Variants in C16orf78 observed in about 807,000 individuals in gnomAD.
C16orf78 encodes chromosome 16 open reading frame 78, also known as uncharacterized protein C16orf78.
Under a neutral mutation model 27.3 loss-of-function variants are expected in C16orf78, and 19 were observed. The observed-to-expected ratio is 0.70, with a 90% CI of 0.49 to 1.02. The LOEUF is 1.02. C16orf78 is among the 50% of genes least tolerant of loss of function. The pLI, the probability that C16orf78 is intolerant of heterozygous loss-of-function variation, is 0.00. For missense variants in C16orf78, 339 were observed against 337.0 expected (o/e 1.01, Z -0.05); for synonymous variants, 130 against 116.1 (o/e 1.12, Z -0.77).
intron 1 of C16orf78, among the ~76,000 whole-genome samples, chr16:49,376,895 C>T (rs1313948449): frequency 6.6e-6 from 1 of 152,156 alleles, no homozygotes; most frequent in Non-Finnish European, 1.5e-5. Flanking sequence ...CTGGACACTG[C>T]AGTCCAGGCC....
chr16:49,393,423 A>G (rs1253052224), intron 3 of C16orf78, among the ~76,000 whole-genome samples: 1 of 152,252 alleles, frequency 6.6e-6, no homozygotes, highest in Non-Finnish European at 1.5e-5. Flanking sequence ...CATTCAAAAA[A>G]GTAAAGATTT....
chr16:49,378,296 C>T (rs1965245214), intron 2 of C16orf78, among the ~76,000 whole-genome samples, 174 bp from the exon 3 acceptor site: 1 of 152,204 alleles, frequency 6.6e-6, no homozygotes, highest in African/African-American at 2.4e-5. Context: ...GAGCAAGCAC[C>T]CGTGGGCAGA....
chr16:49,396,358 C>G, intron 3 of C16orf78, 65 bp from the exon 4 acceptor site: 1 of 1,566,024 alleles, frequency 6.4e-7, no homozygotes, highest in Non-Finnish European at 8.7e-7. Flanking sequence ...TCATCCCCTT[C>G]CTGCCTACCC....
At chr16:49,375,485 C>T (rs1398117574) in intron 1 of C16orf78, among the ~76,000 whole-genome samples, 2 of 152,246 alleles carry the variant, frequency 1.3e-5, no homozygotes, top group South Asian at 2.1e-4. Flanking sequence ...AGTGGGAGGA[C>T]GAGGTGCCAC....
chr16:49,379,945 G>A (rs566181475), intron 3 of C16orf78, among the ~76,000 whole-genome samples: 17 of 152,286 alleles, frequency 1.1e-4, no homozygotes, highest in African/African-American at 3.6e-4. Context: ...AACCTGAGTG[G>A]GCACCATCTA....
intron 3 of C16orf78, 80 bp from the exon 4 acceptor site, chr16:49,396,343 A>T: frequency 1.3e-6 from 2 of 1,499,586 alleles, no homozygotes; most frequent in South Asian, 2.5e-5. Context: ...GCATTCCTCC[A>T]GCCTTCATCC....
chr16:49,376,800 GA>G (rs1965224426), intron 1 of C16orf78, among the ~76,000 whole-genome samples: 1 of 152,140 alleles, frequency 6.6e-6, no homozygotes, highest in South Asian at 2.1e-4. Context: ...TTCAGACAAG[GA>G]AACTAAGCCA....
intron 3 of C16orf78, among the ~76,000 whole-genome samples, chr16:49,381,085 C>G (rs2151611622): frequency 6.6e-6 from 1 of 152,138 alleles, no homozygotes; most frequent in Admixed American, 6.5e-5. Flanking sequence ...CAGCTTTGTT[C>G]TTTTGGCTTA....
intron 3 of C16orf78, among the ~76,000 whole-genome samples, chr16:49,380,977 G>A (rs1353360067): frequency 6.6e-6 from 1 of 151,124 alleles, no homozygotes; most frequent in African/African-American, 2.4e-5. Flanking sequence ...GCTCTGTTCT[G>A]TTCCATTGAT....
At chr16:49,380,772 C>T (rs955391097) in intron 3 of C16orf78, among the ~76,000 whole-genome samples, 3 of 151,986 alleles carry the variant, frequency 2.0e-5, no homozygotes, top group East Asian at 3.8e-4. Context: ...TTAGGTCTAA[C>T]GTTTAAGTCT....
chr16:49,385,521 A>T (rs1019958594), intron 3 of C16orf78, among the ~76,000 whole-genome samples: 1 of 151,964 alleles, frequency 6.6e-6, no homozygotes, highest in Admixed American at 6.6e-5. Context: ...ATCTAGCCAG[A>T]CTTGGTGGCA....
At chr16:49,390,919 G>T (rs927439983) in intron 3 of C16orf78, among the ~76,000 whole-genome samples, 1 of 152,156 alleles carries the variant, frequency 6.6e-6, no homozygotes, top group Non-Finnish European at 1.5e-5. Context: ...CAATCATGGG[G>T]CTCCTCTCAT....
chr16:49,390,450 T>A (rs532652058), intron 3 of C16orf78, among the ~76,000 whole-genome samples: 1 of 152,222 alleles, frequency 6.6e-6, no homozygotes, highest in African/African-American at 2.4e-5. Flanking sequence ...TAGTTTCTTG[T>A]GGTATAGCTT....
At chr16:49,396,811 C>A (rs968882526) in intron 4 of C16orf78, 133 bp downstream of exon 4, 3 of 1,248,238 alleles carry the variant, frequency 2.4e-6, no homozygotes, top group Non-Finnish European at 3.2e-6. Flanking sequence ...TGAGCTCCGC[C>A]CTTTGGTCCC....
rs1231880645 is a variant in C16orf78 at position 49,378,555 on chromosome 16, T to G, written c.356T>G (p.Val119Gly). ...CAAAAGGGGAAACACCTCAGCATGG[T>G]CCCTGGCAGCTACATCAAGGATGGC... ...VEQKGKHLSM[V>G]PGSYIKDGPK... Residue 119 changes from valine to glycine, a missense_variant, in exon 3 of 5, where the codon GTC (valine) becomes GGC (glycine). By Grantham distance (109) the Val-to-Gly change is moderately radical. Transcript: ENST00000299191. 6.2e-7 allele frequency: 1 copy of G among 1,613,656 alleles called. No individual in the cohort carries two copies. Among genetic ancestry groups the G allele is most frequent in the African/African-American group, 1.3e-5 (1 of 74,886 alleles).
intron 3 of C16orf78, among the ~76,000 whole-genome samples, chr16:49,393,932 A>AATACT (rs1196502473): frequency 3.3e-5 from 5 of 152,106 alleles, no homozygotes; most frequent in African/African-American, 7.2e-5. Flanking sequence ...ATTGTAATAG[A>AATACT]ATACTATACC....
chr16:49,387,113 T>G (rs780712704), intron 3 of C16orf78, among the ~76,000 whole-genome samples: 14 of 152,202 alleles, frequency 9.2e-5, no homozygotes, highest in Non-Finnish European at 1.8e-4. Context: ...CATCTGTTAT[T>G]TTTTGACTTT....
chr16:49,392,116 A>C (rs1567394148), intron 3 of C16orf78, among the ~76,000 whole-genome samples: 1 of 152,200 alleles, frequency 6.6e-6, no homozygotes, highest in Non-Finnish European at 1.5e-5. Context: ...TATCCTGATA[A>C]AATTCCCAAA....
chr16:49,394,763 C>T (rs1011125637), intron 3 of C16orf78, among the ~76,000 whole-genome samples: 4 of 151,772 alleles, frequency 2.6e-5, no homozygotes, highest in African/African-American at 4.8e-5. Flanking sequence ...ATTTTTTCCC[C>T]TAATATGATT....
Sources: gnomAD v4.1 joint callset for allele counts (sites outside exome capture counted in the v4.1 genomes callset) on GRCh38, gnomAD v4.1.1 for gene constraint, MANE v1.5 for transcripts, NCBI Gene and HGNC (gene_info 2026-07-23, HGNC 2026-07-21) for gene names.